The following IQCJ variants were observed in gnomAD, a reference collection of about 807,000 sequenced individuals.
The protein encoded by IQCJ is IQ motif containing J.
In IQCJ, 9 loss-of-function variants were observed where a neutral mutation model predicts 11.0. The ratio of observed to expected loss-of-function variants is 0.82; its 90% CI spans 0.49 to 1.43. The LOEUF (loss-of-function observed/expected upper bound fraction) is 1.43. Among genes scored for constraint, IQCJ ranks in the 40% most tolerant of loss-of-function variants. IQCJ has a pLI of 0.00. For synonymous variants in IQCJ, 55 were observed against 51.3 expected (o/e 1.07, Z -0.31); for missense variants, 146 against 133.2 (o/e 1.10, Z -0.47).
At chr3:159,237,306 C>T (rs1036508815) in intron 1 of IQCJ, among the ~76,000 whole-genome samples, 1 of 152,146 alleles carries the variant, frequency 6.6e-6, no homozygotes, top group South Asian at 2.1e-4. Context: ...CAAACCAGAA[C>T]AGTGTTTTAT....
intron 1 of IQCJ, among the ~76,000 whole-genome samples, chr3:159,215,953 TACA>T (rs1440101507): frequency 6.6e-6 from 1 of 152,060 alleles, no homozygotes; most frequent in Non-Finnish European, 1.5e-5. Flanking sequence ...TAGAACTACT[TACA>T]TTATATTAGG....
chr3:159,130,759 C>A (rs1043573341), intron 1 of IQCJ, among the ~76,000 whole-genome samples: 1 of 152,082 alleles, frequency 6.6e-6, no homozygotes, highest in African/African-American at 2.4e-5. Context: ...GAAATATGTA[C>A]TTCTTTTAGT....
At position 159,252,723 on chromosome 3, in the gene IQCJ, C is replaced by A. The variant is rs1411078585; in HGVS notation, c.75-4C>A. The A allele has an allele frequency of 6.2e-7, 1 of 1,609,724 alleles. No individual in the cohort carries two copies. The highest frequency in any genetic ancestry group is 1.3e-5 in the African/African-American group (1 of 74,814). On this transcript the variant is annotated splice_polypyrimidine_tract_variant and splice_region_variant and intron_variant, in intron 2 of 3. Coordinates refer to ENST00000397832, the MANE Select transcript of IQCJ (RefSeq NM_001042706.3). ...AGATATTGAGACATTATTTCTGTTTCTAGTCACCAGCTGGCCATGGATGCA... is the reference window on the plus strand; with the variant it reads ...AGATATTGAGACATTATTTCTGTTTATAGTCACCAGCTGGCCATGGATGCA...
intron 3 of IQCJ, among the ~76,000 whole-genome samples, chr3:159,260,789 A>G (rs1728157809): frequency 6.6e-6 from 1 of 152,150 alleles, no homozygotes; most frequent in South Asian, 2.1e-4. Context: ...GGCTTGAAGT[A>G]TGTATAATCT....
At chr3:159,226,959 G>C (rs1725894343) in intron 1 of IQCJ, among the ~76,000 whole-genome samples, 1 of 152,192 alleles carries the variant, frequency 6.6e-6, no homozygotes, top group South Asian at 2.1e-4. Flanking sequence ...ATTTGCTTTT[G>C]TTTGTGGAGC....
chr3:159,131,432 G>A (rs1386049786), intron 1 of IQCJ, among the ~76,000 whole-genome samples: 1 of 152,004 alleles, frequency 6.6e-6, no homozygotes, highest in African/African-American at 2.4e-5. Context: ...GCCAATGAGA[G>A]GCATTGGCAA....
At chr3:159,155,363 G>T (rs1426554497) in intron 1 of IQCJ, among the ~76,000 whole-genome samples, 1 of 152,048 alleles carries the variant, frequency 6.6e-6, no homozygotes, top group Non-Finnish European at 1.5e-5. Flanking sequence ...TCACCATGTT[G>T]GCCAGGCTGG....
intron 1 of IQCJ, among the ~76,000 whole-genome samples, chr3:159,149,368 G>A (rs1168323079): frequency 6.6e-6 from 1 of 152,116 alleles, no homozygotes; most frequent in Non-Finnish European, 1.5e-5. Context: ...TCATATGAAC[G>A]GTAGCTCTTT....
intron 3 of IQCJ, among the ~76,000 whole-genome samples, 185 bp from the exon 4 acceptor site, chr3:159,262,363 G>A (rs1728262019): frequency 6.6e-6 from 1 of 152,224 alleles, no homozygotes; most frequent in Non-Finnish European, 1.5e-5. Flanking sequence ...TAGGGAGACA[G>A]TCTCCATGGC....
chr3:159,139,196 A>G (rs947732749), intron 1 of IQCJ, among the ~76,000 whole-genome samples: 2 of 152,020 alleles, frequency 1.3e-5, no homozygotes, highest in Non-Finnish European at 2.9e-5. Context: ...GATTTTATTT[A>G]CATCTGTGCA....
downstream of IQCJ, among the ~76,000 whole-genome samples, chr3:159,264,898 CAG>C (rs1300239829): frequency 2.1e-5 from 3 of 141,608 alleles, no homozygotes; most frequent in Non-Finnish European, 4.6e-5. Flanking sequence ...GCCTGGATGA[CAG>C]AGGGGAAAAC....
intron 1 of IQCJ, among the ~76,000 whole-genome samples, chr3:159,210,070 C>T (rs879468446): frequency 3.3e-5 from 5 of 152,280 alleles, no homozygotes; most frequent in Admixed American, 2.6e-4. Flanking sequence ...GAGGAAGGGA[C>T]AGTTGGGTGG....
intron 1 of IQCJ, among the ~76,000 whole-genome samples, chr3:159,122,905 A>G (rs17782680): frequency 0.33 from 49,964 of 152,032 alleles, 8,558 homozygotes; most frequent in Non-Finnish European, 0.39. Flanking sequence ...AGGGGTTGGC[A>G]TGAATGGGTA....
chr3:159,205,939 C>A lies in IQCJ; in HGVS notation c.10-39904C>A, dbSNP rs568643165. Among the ~76,000 whole-genome samples, 28 of 152,326 alleles carry A rather than the reference C, an allele frequency of 1.8e-4. 1 individual carries two copies. In the South Asian group the frequency reaches 5.0e-3, roughly 27 times the overall value. On this transcript the variant is annotated intron_variant, in intron 1 of 3. Coordinates refer to ENST00000397832, the MANE Select transcript of IQCJ (RefSeq NM_001042706.3). ...GCCCCCTACCCAACCCTGGACACCA[C>A]CTTTCACTTGTCAGAAACATTAAGA...
intron 1 of IQCJ, among the ~76,000 whole-genome samples, chr3:159,146,821 G>A (rs1165632241): frequency 2.0e-5 from 3 of 152,196 alleles, no homozygotes; most frequent in Admixed American, 1.3e-4. Context: ...TCACTGATGA[G>A]AACTTTGTGA....
At chr3:159,232,425 C>T (rs866466442) in intron 1 of IQCJ, among the ~76,000 whole-genome samples, 5 of 148,742 alleles carry the variant, frequency 3.4e-5, no homozygotes, top group East Asian at 2.0e-4. Context: ...GTTCAGTTTC[C>T]GTGTAGTGCC....
intron 1 of IQCJ, among the ~76,000 whole-genome samples, chr3:159,169,689 C>G (rs1275386789): frequency 6.6e-6 from 1 of 152,160 alleles, no homozygotes; most frequent in South Asian, 2.1e-4. Flanking sequence ...GCTTCACCCA[C>G]CTTCAGAGTT....
chr3:159,239,242 C>T (rs777533591), intron 1 of IQCJ, among the ~76,000 whole-genome samples: 2 of 152,076 alleles, frequency 1.3e-5, no homozygotes, highest in Non-Finnish European at 2.9e-5. Flanking sequence ...GAAATCAATC[C>T]TCCAAATTGT....
intron 1 of IQCJ, among the ~76,000 whole-genome samples, chr3:159,079,866 T>A (rs547288871): frequency 6.7e-4 from 102 of 152,228 alleles, no homozygotes; most frequent in Middle Eastern, 3.4e-3. Flanking sequence ...TTTATTTTTT[T>A]ATAAAAAATA....
Sources: allele counts gnomAD v4.1 joint callset (sites outside exome capture counted in the v4.1 genomes callset), GRCh38; gene constraint gnomAD v4.1.1; transcripts MANE v1.5; gene names NCBI Gene and HGNC (gene_info 2026-07-23, HGNC 2026-07-21).